PDE4A: variants seen among roughly 807,000 people sequenced by gnomAD.
PDE4A encodes 3',5'-cyclic-AMP phosphodiesterase 4A.
A neutral mutation model predicts 73.9 loss-of-function variants in PDE4A; 21 were observed. The observed-to-expected ratio is 0.28, with a 90% CI of 0.20 to 0.41. The LOEUF (loss-of-function observed/expected upper bound fraction) is 0.41. Ranked by LOEUF, PDE4A falls within the 10% of genes least tolerant of loss-of-function variation. PDE4A has a pLI of 1.00. For synonymous variants in PDE4A, 463 were observed against 505.4 expected (o/e 0.92, Z 1.13); for missense variants, 958 against 1,211.4 (o/e 0.79, Z 3.10).
intron 1 of PDE4A, among the ~76,000 whole-genome samples, chr19:10,433,692 C>G (rs1380777577): frequency 1.3e-5 from 2 of 152,220 alleles, no homozygotes; most frequent in Admixed American, 6.5e-5. Context: ...CTCAGCCCCC[C>G]AAAGAGCTGT....
At chr19:10,421,235 C>T in intron 1 of PDE4A, 151 bp downstream of exon 1, 6 of 985,326 alleles carry the variant, frequency 6.1e-6, no homozygotes, top group Non-Finnish European at 6.0e-6. Context: ...GCGTCTGGGA[C>T]CTGGCCCCTG....
Position 10,457,916 on chromosome 19 carries a change from G to C in PDE4A, c.915G>C (p.Met305Ile), listed in dbSNP as rs201719796. Residue 305 changes from methionine (M) to isoleucine (I), a missense_variant, in exon 8 of 15, where the codon ATG becomes ATC. Around this residue, in one of 3 missense-constraint regions of PDE4A, gnomAD observed 570 missense variants for 827.7 expected, o/e 0.69. Transcript: ENST00000380702. ...QNEVEIPSPT[M>I]KEREKQQAPR... is the part of the protein sequence containing the mutation. The stretch of plus-strand genomic sequence containing the variant: ...AAGTGGAGATCCCATCACCCACGAT[G>C]AAGGAACGAGAAAAACAGCAAGCGC... 5.6e-6 allele frequency: 9 copies of C among 1,612,670 alleles called. No individual in the cohort carries two copies. The South Asian group carries it at 6.6e-5, about 12-fold the overall frequency.
rs908850111 is a variant in PDE4A at position 10,424,797 on chromosome 19, CCCGTCCCG to C, written c.320+3716_320+3723del. ...GCCGAAAAGTTGCAGCCGTGGAGTT[CCCGTCCCG>C]CCTCTGCGCGCTTGCCCGGCAGGCC... On this transcript the variant is annotated intron_variant, in intron 1 of 14. Coordinates refer to ENST00000380702, the MANE Select transcript of PDE4A (RefSeq NM_001111307.2). The surrounding 1 kb of genome is among the most constrained non-coding windows in gnomAD (Gnocchi z 4.8). 4.6e-5 allele frequency among the ~76,000 whole-genome samples: 7 copies of C among 152,246 alleles called. No individual in the cohort carries two copies. The highest frequency in any genetic ancestry group is 1.7e-4 in the African/African-American group (7 of 41,466).
At chr19:10,420,326 A>G (rs1479255295), upstream of PDE4A, 4 of 954,726 alleles carry the variant, frequency 4.2e-6, no homozygotes, top group Non-Finnish European at 5.0e-6. This position sits in a 1 kb window ranked among gnomAD's most constrained non-coding sequence, Gnocchi z 6.0. Flanking sequence ...AAGACAGACG[A>G]GTTCCAGCGC....
At chr19:10,427,286 C>T (rs149079246) in intron 1 of PDE4A, among the ~76,000 whole-genome samples, 77 of 152,234 alleles carry the variant, frequency 5.1e-4, no homozygotes, top group African/African-American at 1.8e-3. Context: ...GGTGACAGAG[C>T]AAGACTCCGT....
chr19:10,420,771 C>A lies in PDE4A; in HGVS notation c.7C>A (p.Pro3Thr). Residue 3 changes from proline (P) to threonine (T), a missense_variant, in exon 1 of 15, where the codon CCC (proline) becomes ACC (threonine). Around this residue, in one of 3 missense-constraint regions of PDE4A, gnomAD observed 145 missense variants for 137.8 expected, o/e 1.05. Transcript: ENST00000380702. This position sits in a 1 kb window ranked among gnomAD's most constrained non-coding sequence, Gnocchi z 6.0. ...GCAAGTGGGGGCCGGCGCCATGGAA[C>A]CCCCGACCGTCCCCTCGGAAAGGAG... ME[P>T]PTVPSERSLS... The A allele has an allele frequency of 6.4e-7, 1 of 1,568,260 alleles. No individual in the cohort carries two copies.
chr19:10,459,827 G>A lies in PDE4A; in HGVS notation c.1365+68G>A. 2.0e-6 allele frequency: 3 copies of A among 1,514,644 alleles called. No homozygotes were observed. The South Asian group carries it at 3.7e-5, about 19-fold the overall frequency. 93.8% of individuals were successfully genotyped at this position (1,514,644 alleles called of 1,614,324 possible). On this transcript the variant is annotated intron_variant, in intron 10 of 14. Coordinates refer to ENST00000380702, the MANE Select transcript of PDE4A (RefSeq NM_001111307.2). Reference sequence around the variant, plus strand: ...TGACTGCCTCTTCAGCCTCCTGTGTGTCTCTCTGACCCTGTGTCTCTGACC... The same window carrying A: ...TGACTGCCTCTTCAGCCTCCTGTGTATCTCTCTGACCCTGTGTCTCTGACC...
Position 10,466,928 on chromosome 19 carries a change from C to T in PDE4A, c.1968C>T (p.Thr656=). 1 of 1,614,120 alleles carries T rather than the reference C, an allele frequency of 6.2e-7. No homozygotes were observed. The highest frequency in any genetic ancestry group is 8.5e-7 in the Non-Finnish European group (1 of 1,180,020). ...ACATTGTGCACCCATTGTGGGAGACCTGGGCGGACCTTGTCCACCCAGATG... is the reference window on the plus strand; with the variant it reads ...ACATTGTGCACCCATTGTGGGAGACTTGGGCGGACCTTGTCCACCCAGATG... ...IDYIVHPLWE[T]WADLVHPDAQ... The change falls in exon 15 of 15, where the codon ACC becomes ACT. Residue 656 remains threonine (T), a synonymous_variant. Transcript: ENST00000380702.
chr19:10,449,085 G>A lies in PDE4A; in HGVS notation c.555G>A (p.Leu185=), dbSNP rs1371540652. The A allele has an allele frequency of 6.2e-7, 1 of 1,613,448 alleles. No individual in the cohort carries two copies. Among genetic ancestry groups the A allele is most frequent in the Admixed American group, 1.7e-5 (1 of 59,924 alleles). The change falls in exon 4 of 15, where the codon CTG becomes CTA. Residue 185 remains leucine, a synonymous_variant. Coordinates refer to ENST00000380702, the MANE Select transcript of PDE4A (RefSeq NM_001111307.2). ...DLIVTPFAQV[L]ASLRSVRSNF... Reference sequence around the variant, plus strand: ...ACTGCCGCTCCCCATCCCAGGTGCTGGCCAGCCTCCGGAGCGTCCGTAGCA... The same window carrying A: ...ACTGCCGCTCCCCATCCCAGGTGCTAGCCAGCCTCCGGAGCGTCCGTAGCA...
At chr19:10,418,828 C>T (rs1054719397), upstream of PDE4A, 4 of 985,118 alleles carry the variant, frequency 4.1e-6, no homozygotes, top group African/African-American at 7.0e-5. Flanking sequence ...CAGCCCAGGA[C>T]TCTCAAATAT....
In PDE4A at chr19:10,432,557, G is replaced by C. The variant is rs773455234; in HGVS notation, c.320+11473G>C. The C allele has an allele frequency of 6.6e-6, 10 of 1,523,324 alleles. No homozygotes were observed. In the South Asian group the frequency reaches 1.1e-4, roughly 17 times the overall value. 94.4% of individuals were successfully genotyped at this position (1,523,324 alleles called of 1,614,324 possible). On this transcript the variant is annotated intron_variant, in intron 1 of 14. Transcript: ENST00000380702. ...ATGAGGACACCCGTCGGCACCCTCCGGGCAGATCTGTCAGGTGGGTGGCCC... is the reference window on the plus strand; with the variant it reads ...ATGAGGACACCCGTCGGCACCCTCCCGGCAGATCTGTCAGGTGGGTGGCCC...
chr19:10,462,922 G>C (rs1056636854), intron 13 of PDE4A, among the ~76,000 whole-genome samples: 3 of 152,142 alleles, frequency 2.0e-5, no homozygotes, highest in African/African-American at 7.2e-5. Context: ...AGCTGGGTGT[G>C]GTGGCTCACG....
chr19:10,465,261 C>T (rs1048726600), intron 14 of PDE4A, among the ~76,000 whole-genome samples: 2 of 151,394 alleles, frequency 1.3e-5, no homozygotes, highest in African/African-American at 4.9e-5. Flanking sequence ...CTTCTTGTCA[C>T]CCAGGCTGGA....
At chr19:10,451,669 G>A (rs1298976347) in intron 6 of PDE4A, among the ~76,000 whole-genome samples, 1 of 152,100 alleles carries the variant, frequency 6.6e-6, no homozygotes, top group African/African-American at 2.4e-5. Flanking sequence ...GTAGCTCTAT[G>A]TGTTTGTGAA....
chr19:10,459,224 T>C (rs1371464054), intron 8 of PDE4A, 176 bp from the exon 9 acceptor site: 2 of 1,100,074 alleles, frequency 1.8e-6, no homozygotes, highest in Non-Finnish European at 2.5e-6. Flanking sequence ...GTGATTGCTT[T>C]CGCTATTTTG....
chr19:10,416,999 G>A (rs986922277), upstream of PDE4A: 84 of 1,537,994 alleles, frequency 5.5e-5, no homozygotes, highest in Non-Finnish European at 6.9e-5. Context: ...AGGTGCGAGA[G>A]GAGGGGCTTG....
chr19:10,449,031 G>A (rs368598645), intron 3 of PDE4A, 49 bp from the exon 4 acceptor site: 35 of 1,610,688 alleles, frequency 2.2e-5, no homozygotes, highest in African/African-American at 1.1e-4. Context: ...GCCCAGCCCC[G>A]CTGCCTCTCT....
In PDE4A at chr19:10,424,529, G is replaced by A. The variant is rs2042689714; in HGVS notation, c.320+3445G>A. 6.6e-6 allele frequency among the ~76,000 whole-genome samples: 1 copy of A among 152,236 alleles called. No individual in the cohort carries two copies. The highest frequency in any genetic ancestry group is 2.1e-4 in the South Asian group (1 of 4,826). ...CACAGCCTGGGTGTGCGCTCCGAGCGCGGACCTGCTCCAGGGACGCCGCCA... is the reference window on the plus strand; with the variant it reads ...CACAGCCTGGGTGTGCGCTCCGAGCACGGACCTGCTCCAGGGACGCCGCCA... On this transcript the variant is annotated intron_variant, in intron 1 of 14. Transcript: ENST00000380702. The surrounding 1 kb of genome is among the most constrained non-coding windows in gnomAD (Gnocchi z 4.8).
chr19:10,417,730 G>A (rs1002310554), upstream of PDE4A: 4 of 1,590,328 alleles, frequency 2.5e-6, no homozygotes, highest in South Asian at 1.1e-5. Context: ...CCTCGCCGCC[G>A]CCTCTCGTCC....
Sources: gnomAD v4.1 joint callset for allele counts (sites outside exome capture counted in the v4.1 genomes callset) on GRCh38, gnomAD v4.1.1 for gene constraint, gnomAD v4.1.1 regional missense constraint, Gnocchi (gnomAD v3.1) non-coding constraint, MANE v1.5 for transcripts, NCBI Gene and HGNC (gene_info 2026-07-23, HGNC 2026-07-21) for gene names.